SNTG1: variants seen among roughly 807,000 people sequenced by gnomAD.
SNTG1 encodes gamma-1-syntrophin.
SNTG1 carries 39 observed loss-of-function variants against 74.7 expected under a neutral mutation model. That is an observed-to-expected ratio of 0.52 (90% CI 0.40 to 0.68). The LOEUF is 0.68. Ranked by LOEUF, SNTG1 falls within the 30% of genes least tolerant of loss-of-function variation. The pLI is 0.00. For synonymous variants in SNTG1, 254 were observed against 217.1 expected, an observed-to-expected ratio of 1.17 and a Z score of -1.49; for missense variants, 685 against 609.5, an observed-to-expected ratio of 1.12 and a Z score of -1.30.
chr8:50,352,267 T>A (rs2091683826), intron 2 of SNTG1, among the ~76,000 whole-genome samples: 1 of 152,198 alleles, frequency 6.6e-6, no homozygotes. Flanking sequence ...TGAACTAATG[T>A]GTCCCTGTTT....
At chr8:50,722,231 G>A (rs2095489517) in intron 17 of SNTG1, among the ~76,000 whole-genome samples, 1 of 151,394 alleles carries the variant, frequency 6.6e-6, no homozygotes. Flanking sequence ...CTGGAGTGCA[G>A]TGGTGCGATC....
chr8:50,346,787 G>A (rs904401418), intron 2 of SNTG1, among the ~76,000 whole-genome samples: 1 of 152,246 alleles, frequency 6.6e-6, no homozygotes, highest in Non-Finnish European at 1.5e-5. Flanking sequence ...GATCAAAACA[G>A]CTACAACATT....
At chr8:50,036,329 C>T (rs939820682) in intron 1 of SNTG1, among the ~76,000 whole-genome samples, 1 of 152,112 alleles carries the variant, frequency 6.6e-6, no homozygotes, top group Non-Finnish European at 1.5e-5. Context: ...ATGTACTGTG[C>T]CCAGTGTCAA....
At chr8:50,723,862 C>A (rs7460470) in intron 17 of SNTG1, among the ~76,000 whole-genome samples, 85,330 of 151,862 alleles carry the variant, frequency 0.56, 26,101 homozygotes, top group Non-Finnish European at 0.67. Flanking sequence ...GGAAAAGACT[C>A]CCTAAGGCAG....
intron 4 of SNTG1, among the ~76,000 whole-genome samples, chr8:50,412,362 T>C (rs1188145510): frequency 1.3e-5 from 2 of 152,206 alleles, no homozygotes; most frequent in Non-Finnish European, 2.9e-5. Context: ...TTCTTTCTTC[T>C]TTTCAGTTCA....
chr8:50,336,845 T>C (rs1205045994), intron 2 of SNTG1, among the ~76,000 whole-genome samples: 1 of 152,222 alleles, frequency 6.6e-6, no homozygotes, highest in East Asian at 1.9e-4. Flanking sequence ...CTCCATAAAA[T>C]CATGGCCTAA....
intron 2 of SNTG1, among the ~76,000 whole-genome samples, chr8:50,210,338 G>A (rs1233533651): frequency 2.0e-5 from 3 of 152,204 alleles, no homozygotes; most frequent in East Asian, 3.9e-4. Context: ...CCCCAACCTA[G>A]CAAGGCAGGC....
chr8:50,766,898 T>C (rs2095615259), intron 18 of SNTG1, among the ~76,000 whole-genome samples: 1 of 151,956 alleles, frequency 6.6e-6, no homozygotes. Context: ...TTTTTGAAGT[T>C]ATGATTGTCA....
intron 1 of SNTG1, among the ~76,000 whole-genome samples, chr8:49,959,539 T>A (rs1255193956): frequency 2.6e-5 from 4 of 152,252 alleles, no homozygotes; most frequent in African/African-American, 9.6e-5. Flanking sequence ...AATGGAATCA[T>A]ACAATATATG....
intron 1 of SNTG1, among the ~76,000 whole-genome samples, chr8:50,129,117 C>T (rs557256118): frequency 8.5e-5 from 13 of 152,092 alleles, no homozygotes; most frequent in African/African-American, 2.9e-4. Flanking sequence ...TTTATTTAGG[C>T]AACAAATATT....
intron 1 of SNTG1, among the ~76,000 whole-genome samples, chr8:50,075,687 C>T (rs1821803233): frequency 1.3e-5 from 2 of 152,142 alleles, no homozygotes; most frequent in South Asian, 2.1e-4. Flanking sequence ...TCTTTGGGTC[C>T]GTACTGCCTT....
intron 15 of SNTG1, among the ~76,000 whole-genome samples, chr8:50,679,390 A>G (rs1381031828): frequency 1.3e-5 from 2 of 152,134 alleles, no homozygotes; most frequent in Non-Finnish European, 2.9e-5. Context: ...TCTCAATGGT[A>G]TATTATCTTA....
At chr8:50,775,605 G>T (rs1563827088) in intron 18 of SNTG1, among the ~76,000 whole-genome samples, 1 of 151,574 alleles carries the variant, frequency 6.6e-6, no homozygotes, top group Non-Finnish European at 1.5e-5. Context: ...TTGTCCAAAA[G>T]TTCTAAAAAT....
At chr8:50,375,673 T>C (rs1186072276) in intron 2 of SNTG1, among the ~76,000 whole-genome samples, 1 of 152,150 alleles carries the variant, frequency 6.6e-6, no homozygotes. Flanking sequence ...CCTCTGATAA[T>C]ACGATGAACA....
intron 2 of SNTG1, among the ~76,000 whole-genome samples, chr8:50,284,082 TCTGTAAC>T (rs2088625977): frequency 6.6e-6 from 1 of 152,110 alleles, no homozygotes; most frequent in South Asian, 2.1e-4. Context: ...ATTCATCTTG[TCTGTAAC>T]GGTGTCACAG....
intron 2 of SNTG1, among the ~76,000 whole-genome samples, chr8:50,389,315 C>A (rs1316494451): frequency 6.6e-6 from 1 of 152,140 alleles, no homozygotes; most frequent in Non-Finnish European, 1.5e-5. Context: ...CAACTGAGCA[C>A]ATGAATGATT....
chr8:50,089,647 C>G (rs1159453876), intron 1 of SNTG1, among the ~76,000 whole-genome samples: 2 of 152,182 alleles, frequency 1.3e-5, no homozygotes, highest in Non-Finnish European at 2.9e-5. Flanking sequence ...CCAAAAAACA[C>G]ATGAAAAGAT....
chr8:50,220,269 G>C (rs574801047), intron 2 of SNTG1, among the ~76,000 whole-genome samples: 86 of 152,088 alleles, frequency 5.7e-4, no homozygotes, highest in Admixed American at 1.6e-3. Flanking sequence ...GTGTGTGAAA[G>C]ATTTGAACCA....
At chr8:50,650,920 C>T (rs929509565) in intron 13 of SNTG1, among the ~76,000 whole-genome samples, 1 of 152,016 alleles carries the variant, frequency 6.6e-6, no homozygotes, top group Non-Finnish European at 1.5e-5. Flanking sequence ...AGGCTGGTCT[C>T]GAACTCTTGA....
Sources: gnomAD v4.1 joint callset for allele counts (sites outside exome capture counted in the v4.1 genomes callset) on GRCh38, gnomAD v4.1.1 for gene constraint, MANE v1.5 for transcripts, NCBI Gene and HGNC (gene_info 2026-07-23, HGNC 2026-07-21) for gene names.